Variants in CNOT8 observed in about 807,000 individuals in gnomAD.
CNOT8 encodes CAF1-like protein.
A neutral mutation model predicts 34.6 loss-of-function variants in CNOT8; 18 were observed. The ratio of observed to expected loss-of-function variants is 0.52; its 90% CI spans 0.36 to 0.77. The LOEUF (loss-of-function observed/expected upper bound fraction) is 0.77. Ranked by LOEUF, CNOT8 falls within the 30% of genes least tolerant of loss-of-function variation. The pLI is 0.00. For synonymous variants in CNOT8, 101 were observed against 118.8 expected (o/e 0.85, Z 0.98); for missense variants, 189 against 347.9 (o/e 0.54, Z 3.63).
intron 3 of CNOT8, among the ~76,000 whole-genome samples, chr5:154,867,336 A>G (rs816720): frequency 0.17 from 25,531 of 152,160 alleles, 2,850 homozygotes; most frequent in African/African-American, 0.32. Flanking sequence ...AAACAAAGGT[A>G]TTGGATCTGT....
At position 154,865,100 on chromosome 5, in the gene CNOT8, T is replaced by A. The variant is rs79982405; in HGVS notation, c.118-92T>A. 1,099 of 1,125,198 alleles carry A rather than the reference T, an allele frequency of 9.8e-4. 4 individuals are homozygous for A. In the African/African-American group the frequency reaches 0.015, roughly 16 times the overall value. 69.7% of individuals were successfully genotyped at this position (1,125,198 alleles called of 1,614,324 possible). On this transcript the variant is annotated intron_variant, in intron 2 of 6. Transcript: ENST00000285896. ...AGTTTGGGGCTTGCCACATAACTTT[T>A]ATAAATGGAGGTAAAATTTTATTTA... is the stretch of plus-strand genomic sequence containing the variant.
Position 154,875,619 on chromosome 5 carries a change from A to AG in CNOT8, c.*181dup, listed in dbSNP as rs1201792242. ...GATGTTTTTATTTTAGACCCAGAAG[A>AG]GAGGAGTTTGCTCTGAATTTGTAAA... On this transcript the variant is annotated 3_prime_UTR_variant, in exon 7 of 7. Transcript: ENST00000285896. 1.6e-6 allele frequency: 1 copy of AG among 641,004 alleles called. No individual in the cohort carries two copies. Among genetic ancestry groups the AG allele is most frequent in the African/African-American group, 1.9e-5 (1 of 53,800 alleles). The allele number at this position is 641,004 out of a possible 1,614,324, so 39.7% of individuals were successfully genotyped here.
chr5:154,869,467 C>T (rs1339072238), intron 3 of CNOT8, among the ~76,000 whole-genome samples: 1 of 140,474 alleles, frequency 7.1e-6, no homozygotes, highest in East Asian at 2.2e-4. Flanking sequence ...TTTTTTGAGA[C>T]AGAGTCTTGT....
At chr5:154,863,149 G>A (rs1001973602) in intron 1 of CNOT8, 58 bp from the exon 2 acceptor site, 9 of 675,452 alleles carry the variant, frequency 1.3e-5, no homozygotes, top group African/African-American at 3.6e-5. Context: ...TGTCTTTGTT[G>A]TGTTGACATC....
intron 1 of CNOT8, 188 bp downstream of exon 1, chr5:154,858,956 G>A (rs1761065052): frequency 6.6e-6 from 1 of 152,216 alleles, no homozygotes; most frequent in South Asian, 2.1e-4. Flanking sequence ...CGAGTAATAT[G>A]TGCGGGGACT....
At chr5:154,864,487 T>A (rs1163648528) in intron 2 of CNOT8, among the ~76,000 whole-genome samples, 1 of 151,960 alleles carries the variant, frequency 6.6e-6, no homozygotes, top group African/African-American at 2.4e-5. Flanking sequence ...CAGAGTTAAG[T>A]CTTTAGCTTG....
chr5:154,861,505 A>G (rs1051215141), intron 1 of CNOT8, among the ~76,000 whole-genome samples: 6 of 152,240 alleles, frequency 3.9e-5, no homozygotes, highest in Admixed American at 6.5e-5. Context: ...CCAGATTCTC[A>G]TTGTTGCATC....
At chr5:154,872,724 C>G in intron 6 of CNOT8, 73 bp downstream of exon 6, 1 of 743,234 alleles carries the variant, frequency 1.3e-6, no homozygotes. Context: ...AGTGGATGGT[C>G]TGTTATGTGG....
intron 3 of CNOT8, among the ~76,000 whole-genome samples, chr5:154,868,607 C>G (rs996906756): frequency 4.6e-5 from 7 of 152,172 alleles, no homozygotes; most frequent in Admixed American, 2.6e-4. Flanking sequence ...TTTGCCAAAG[C>G]TTTATGTTCC....
intron 1 of CNOT8, among the ~76,000 whole-genome samples, chr5:154,860,371 C>T (rs948254253): frequency 2.0e-5 from 3 of 152,164 alleles, no homozygotes; most frequent in Non-Finnish European, 2.9e-5. Flanking sequence ...GGCGTAATCA[C>T]AGCTCACTGC....
intron 6 of CNOT8, among the ~76,000 whole-genome samples, chr5:154,872,914 G>A (rs1018187784): frequency 2.0e-5 from 3 of 152,040 alleles, no homozygotes; most frequent in Non-Finnish European, 2.9e-5. Context: ...GATTATAGGT[G>A]CCCGCCACCA....
Position 154,875,317 on chromosome 5 carries a change from G to T in CNOT8, c.757G>T (p.Ala253Ser), listed in dbSNP as rs776973664. 1 of 1,614,122 alleles carries T rather than the reference G, an allele frequency of 6.2e-7. No individual in the cohort carries two copies. Among genetic ancestry groups the T allele is most frequent in the Admixed American group, 1.7e-5 (1 of 60,008 alleles). The change falls in exon 7 of 7, where the codon GCC (alanine) becomes TCC (serine). Residue 253 changes from alanine (A) to serine (S), a missense_variant. Transcript: ENST00000285896. Reference sequence around the variant, plus strand: ...GTTTTTTGAGGACAGCATTGATGATGCCAAGTACTGTGGGCGGCTCTATGG... The same window carrying T: ...GTTTTTTGAGGACAGCATTGATGATTCCAAGTACTGTGGGCGGCTCTATGG... ...ELFFEDSIDD[A>S]KYCGRLYGLG... is the part of the protein sequence containing the mutation.
chr5:154,860,178 C>T (rs1223359838), intron 1 of CNOT8, among the ~76,000 whole-genome samples: 5 of 152,078 alleles, frequency 3.3e-5, no homozygotes, highest in Non-Finnish European at 5.9e-5. Context: ...AGTTGTGATG[C>T]GCTGTGAGAT....
chr5:154,863,518 C>G, intron 2 of CNOT8, 123 bp downstream of exon 2: 2 of 734,520 alleles, frequency 2.7e-6, no homozygotes, highest in South Asian at 3.1e-5. Context: ...CAGCCTTGAA[C>G]TCCTGGGCTC....
intron 3 of CNOT8, among the ~76,000 whole-genome samples, chr5:154,869,537 T>C (rs1262319672): frequency 6.6e-6 from 1 of 150,496 alleles, no homozygotes; most frequent in Non-Finnish European, 1.5e-5. Flanking sequence ...CTTTGCCTCC[T>C]GGGTTCAAGT....
Position 154,865,192 on chromosome 5 carries a change from GAC to G in CNOT8, c.122_123del (p.Thr41ArgfsTer12). On this transcript the variant is annotated frameshift_variant and splice_region_variant, in exon 3 of 7. Coordinates refer to ENST00000285896, the MANE Select transcript of CNOT8 (RefSeq NM_001301073.2). LOFTEE classifies it high-confidence loss of function. Reference sequence around the variant, plus strand: ...GATGAGAGACTTTTTCCTTTTCCAGGACACAGAATTTCCAGGTGTTGTGGTGC... The same window carrying G: ...GATGAGAGACTTTTTCCTTTTCCAGGACAGAATTTCCAGGTGTTGTGGTGC... ...IVLSYSYIAM[D>X]TEFPGVVVRP... 6.4e-7 allele frequency: 1 copy of G among 1,561,606 alleles called. No individual in the cohort carries two copies. Among genetic ancestry groups the G allele is most frequent in the Non-Finnish European group, 8.6e-7 (1 of 1,156,586 alleles).
intron 1 of CNOT8, 66 bp downstream of exon 1, chr5:154,858,834 G>T (rs1181822703): frequency 1.3e-5 from 2 of 151,304 alleles, no homozygotes; most frequent in South Asian, 2.1e-4. Flanking sequence ...ACCATTGGGG[G>T]TCTGTAGGGG....
intron 6 of CNOT8, among the ~76,000 whole-genome samples, chr5:154,874,986 G>GGCCCACTGC (rs1762813773): frequency 1.3e-5 from 2 of 151,246 alleles, no homozygotes; most frequent in East Asian, 3.9e-4. Context: ...GTACGGCCTT[G>GGCCCACTGC]GCCCACTGCA....
intron 2 of CNOT8, among the ~76,000 whole-genome samples, chr5:154,863,806 G>A (rs889345987): frequency 6.6e-6 from 1 of 152,158 alleles, no homozygotes; most frequent in Non-Finnish European, 1.5e-5. Flanking sequence ...AGTCTTTAAA[G>A]CAGAAGTTAC....
Sources: gnomAD v4.1 joint callset for allele counts (sites outside exome capture counted in the v4.1 genomes callset) on GRCh38, gnomAD v4.1.1 for gene constraint, MANE v1.5 for transcripts, NCBI Gene and HGNC (gene_info 2026-07-23, HGNC 2026-07-21) for gene names.